Variants in MYO5B observed in about 807,000 individuals in gnomAD.
MYO5B encodes myosin VB.
MYO5B carries 143 observed loss-of-function variants against 229.3 expected under a neutral mutation model. That is an observed-to-expected ratio of 0.62 (90% CI 0.54 to 0.72). The LOEUF (loss-of-function observed/expected upper bound fraction) is 0.72, where lower values mean the gene tolerates loss of function less well. Ranked by LOEUF, MYO5B falls within the 30% of genes least tolerant of loss-of-function variation. The probability of loss-of-function intolerance (pLI) is 0.00; values close to 1 mark genes in which losing one functional copy is unlikely to be tolerated. For missense variants in MYO5B, 2,321 were observed against 2,331.0 expected, an observed-to-expected ratio of 1.00 and a Z score of 0.09; for synonymous variants, 918 against 885.2, an observed-to-expected ratio of 1.04 and a Z score of -0.66.
chr18:50,127,921 T>C (rs2032192362), intron 1 of MYO5B, among the ~76,000 whole-genome samples: 1 of 152,212 alleles, frequency 6.6e-6, no homozygotes, highest in Non-Finnish European at 1.5e-5. Context: ...GCTGGGACAC[T>C]GCTATTTTTC....
At chr18:50,035,046 T>C (rs184089760) in intron 4 of MYO5B, among the ~76,000 whole-genome samples, 6 of 152,244 alleles carry the variant, frequency 3.9e-5, no homozygotes, top group African/African-American at 1.4e-4. Flanking sequence ...TTCCCCATAA[T>C]GGGTGCAAAG....
intron 17 of MYO5B, among the ~76,000 whole-genome samples, chr18:49,927,290 T>A (rs1465993904): frequency 6.6e-6 from 1 of 151,122 alleles, no homozygotes; most frequent in Non-Finnish European, 1.5e-5. Flanking sequence ...AAAATGACCA[T>A]ACTGCCAAAA....
chr18:49,985,068 G>A (rs763941493), intron 7 of MYO5B, among the ~76,000 whole-genome samples: 9 of 152,236 alleles, frequency 5.9e-5, no homozygotes, highest in East Asian at 3.9e-4. Context: ...AAACTGGCAC[G>A]GGAAACATAT....
At chr18:50,069,202 G>T (rs1007446124) in intron 1 of MYO5B, among the ~76,000 whole-genome samples, 2 of 151,958 alleles carry the variant, frequency 1.3e-5, no homozygotes, top group Non-Finnish European at 2.9e-5. Flanking sequence ...AATAACCATT[G>T]GATGTTTAAA....
intron 1 of MYO5B, among the ~76,000 whole-genome samples, chr18:50,080,635 G>T (rs1051792415): frequency 6.6e-6 from 1 of 152,278 alleles, no homozygotes; most frequent in East Asian, 1.9e-4. Flanking sequence ...ATGACAACAG[G>T]AAGGGGGACA....
intron 17 of MYO5B, among the ~76,000 whole-genome samples, chr18:49,924,060 A>G (rs1410753545): frequency 6.6e-6 from 1 of 152,172 alleles, no homozygotes; most frequent in Admixed American, 6.5e-5. Flanking sequence ...ATTCAGCTCC[A>G]GTCTGTTTTG....
chr18:50,094,768 C>T (rs77317967), intron 1 of MYO5B, among the ~76,000 whole-genome samples: 1,701 of 152,268 alleles, frequency 0.011, 17 homozygotes, highest in Non-Finnish European at 0.02. Flanking sequence ...CTTTGTGTAG[C>T]CATTAGGCCA....
chr18:49,943,295 AACATGAC>A (rs1164344588), intron 14 of MYO5B, among the ~76,000 whole-genome samples: 3 of 151,992 alleles, frequency 2.0e-5, no homozygotes, highest in African/African-American at 7.2e-5. Flanking sequence ...GCAGCACACC[AACATGAC>A]ACATGTATAC....
chr18:49,970,496 C>T (rs2025679210), intron 10 of MYO5B, among the ~76,000 whole-genome samples: 2 of 152,160 alleles, frequency 1.3e-5, no homozygotes, highest in African/African-American at 4.8e-5. Flanking sequence ...TTCTCCTCTA[C>T]AAGCTAACTA....
chr18:50,103,369 G>C (rs1239736784), intron 1 of MYO5B, among the ~76,000 whole-genome samples: 1 of 152,236 alleles, frequency 6.6e-6, no homozygotes, highest in Non-Finnish European at 1.5e-5. Context: ...AAGTTAGAAT[G>C]TATCTTACAA....
intron 5 of MYO5B, among the ~76,000 whole-genome samples, chr18:49,995,486 C>T (rs1411372202): frequency 1.3e-5 from 2 of 151,746 alleles, no homozygotes; most frequent in Non-Finnish European, 2.9e-5. Flanking sequence ...GTCTCGATCT[C>T]CTGACCTCGT....
intron 17 of MYO5B, among the ~76,000 whole-genome samples, chr18:49,924,948 T>C (rs1049965343): frequency 6.6e-6 from 1 of 151,998 alleles, no homozygotes; most frequent in Non-Finnish European, 1.5e-5. Context: ...ACAAAAACAG[T>C]ATATTGGTCA....
intron 3 of MYO5B, among the ~76,000 whole-genome samples, chr18:50,037,204 TAC>T (rs557642051): frequency 6.7e-6 from 1 of 149,310 alleles, no homozygotes. Context: ...CATACACACA[TAC>T]ACACACACAA....
chr18:50,133,986 A>C (rs139920869), intron 1 of MYO5B, among the ~76,000 whole-genome samples: 3 of 152,314 alleles, frequency 2.0e-5, no homozygotes, highest in African/African-American at 7.2e-5. Context: ...GGGCAATGAA[A>C]ATAAAGGTTT....
chr18:49,898,692 G>A lies in MYO5B; in HGVS notation c.2812-3518C>T, dbSNP rs554226837. On this transcript the variant is annotated intron_variant, in intron 21 of 39. Coordinates refer to ENST00000285039, the MANE Select transcript of MYO5B (RefSeq NM_001080467.3). The stretch of plus-strand genomic sequence containing the variant: ...AGCTCCAAATCCTCTTGAACTGCAT[G>A]GTTCTTTTCTATTAAGAACTCTCAA... Among the ~76,000 whole-genome samples, 8 of 152,218 alleles carry A rather than the reference G, an allele frequency of 5.3e-5. No homozygotes were observed. The South Asian group carries it at 1.7e-3, about 32-fold the overall frequency.
At chr18:50,149,860 C>T (rs565144453) in intron 1 of MYO5B, among the ~76,000 whole-genome samples, 51 of 150,508 alleles carry the variant, frequency 3.4e-4, no homozygotes, top group Non-Finnish European at 6.5e-4. Context: ...AGTGCTTCTG[C>T]ACAGCAAAAG....
At chr18:50,139,077 G>A (rs764791675) in intron 1 of MYO5B, among the ~76,000 whole-genome samples, 5 of 152,258 alleles carry the variant, frequency 3.3e-5, no homozygotes, top group Non-Finnish European at 5.9e-5. Flanking sequence ...TTCATCTAAT[G>A]TGAGGATGCC....
intron 22 of MYO5B, among the ~76,000 whole-genome samples, chr18:49,882,323 C>T (rs2024595574): frequency 7.0e-6 from 1 of 142,656 alleles, no homozygotes; most frequent in Admixed American, 7.3e-5. Flanking sequence ...ACCTGTTTCC[C>T]CCTCTATAAA....
chr18:49,992,696 G>A (rs1375428043), intron 5 of MYO5B, among the ~76,000 whole-genome samples: 1 of 152,166 alleles, frequency 6.6e-6, no homozygotes, highest in African/African-American at 2.4e-5. Context: ...TGCAATGGAA[G>A]GTGCATCCCA....
Sources: gnomAD v4.1 joint callset for allele counts (sites outside exome capture counted in the v4.1 genomes callset) on GRCh38, gnomAD v4.1.1 for gene constraint, MANE v1.5 for transcripts, NCBI Gene and HGNC (gene_info 2026-07-23, HGNC 2026-07-21) for gene names.